Variants in VWA8 observed in about 807,000 individuals in gnomAD.
VWA8 encodes von Willebrand factor A domain containing 8.
A neutral mutation model predicts 241.5 loss-of-function variants in VWA8; 221 were observed. The observed-to-expected ratio is 0.91, with a 90% CI of 0.82 to 1.02. VWA8 has a LOEUF of 1.02. Ranked by LOEUF, VWA8 falls within the 50% of genes least tolerant of loss-of-function variation. VWA8 has a pLI of 0.00. For synonymous variants in VWA8, 852 were observed against 827.1 expected, an observed-to-expected ratio of 1.03 and a Z score of -0.52; for missense variants, 2,322 against 2,328.7, an observed-to-expected ratio of 1.00 and a Z score of 0.06.
At chr13:41,657,906 T>C (rs1288918243) in intron 37 of VWA8, among the ~76,000 whole-genome samples, 1 of 152,258 alleles carries the variant, frequency 6.6e-6, no homozygotes, top group East Asian at 1.9e-4. Context: ...ATAAAGGTCT[T>C]GTCCTAAGAC....
At chr13:41,824,532 A>G (rs1349046197) in intron 14 of VWA8, among the ~76,000 whole-genome samples, 1 of 152,146 alleles carries the variant, frequency 6.6e-6, no homozygotes, top group Non-Finnish European at 1.5e-5. Flanking sequence ...GTTTTAAAGA[A>G]TGCTCAGTAT....
intron 37 of VWA8, among the ~76,000 whole-genome samples, chr13:41,643,430 C>G (rs1250889422): frequency 6.6e-6 from 1 of 152,168 alleles, no homozygotes; most frequent in Non-Finnish European, 1.5e-5. Context: ...AGTACAATGC[C>G]TAGTGCATAG....
chr13:41,596,900 T>C (rs1593639840), intron 40 of VWA8, among the ~76,000 whole-genome samples: 1 of 152,008 alleles, frequency 6.6e-6, no homozygotes, highest in Non-Finnish European at 1.5e-5. Flanking sequence ...TTGTGACACT[T>C]TGTCTTATGA....
chr13:41,954,376 G>A (rs554740491), intron 1 of VWA8, among the ~76,000 whole-genome samples: 1 of 152,148 alleles, frequency 6.6e-6, no homozygotes, highest in East Asian at 1.9e-4. Context: ...CATTGTGTGC[G>A]CCTAACCACC....
At chr13:41,752,009 T>C (rs1020683958) in intron 21 of VWA8, among the ~76,000 whole-genome samples, 6 of 152,136 alleles carry the variant, frequency 3.9e-5, no homozygotes, top group South Asian at 4.1e-4. Context: ...TGCCTCATGA[T>C]TGGTAGATCA....
At chr13:41,872,768 T>C (rs1238764409) in intron 9 of VWA8, among the ~76,000 whole-genome samples, 2 of 152,104 alleles carry the variant, frequency 1.3e-5, no homozygotes, top group Admixed American at 6.5e-5. Flanking sequence ...TCTTTTGGCT[T>C]AGGATTGACT....
intron 3 of VWA8, among the ~76,000 whole-genome samples, chr13:41,909,524 A>G (rs1374882877): frequency 6.6e-6 from 1 of 152,202 alleles, no homozygotes; most frequent in East Asian, 1.9e-4. Context: ...TTGCTTCTGG[A>G]ACACATCACT....
intron 4 of VWA8, among the ~76,000 whole-genome samples, chr13:41,892,072 G>C (rs986102176): frequency 3.9e-5 from 6 of 152,156 alleles, no homozygotes; most frequent in Non-Finnish European, 5.9e-5. Context: ...TTGAGGTTTT[G>C]TGTGATGATG....
intron 2 of VWA8, among the ~76,000 whole-genome samples, chr13:41,919,446 T>C (rs1288893973): frequency 1.3e-5 from 2 of 152,130 alleles, no homozygotes; most frequent in East Asian, 1.9e-4. Flanking sequence ...CCCAGTCCCC[T>C]GCCTGAGCTG....
At chr13:41,722,762 G>A (rs2045402974) in intron 24 of VWA8, among the ~76,000 whole-genome samples, 3 of 152,116 alleles carry the variant, frequency 2.0e-5, no homozygotes, top group Non-Finnish European at 4.4e-5. Context: ...TGGGGGAAGA[G>A]CATTCCAGGC....
At chr13:41,940,537 GA>G (rs1004782279) in intron 2 of VWA8, among the ~76,000 whole-genome samples, 2 of 151,982 alleles carry the variant, frequency 1.3e-5, no homozygotes, top group African/African-American at 4.8e-5. Flanking sequence ...ACTCATTTTG[GA>G]AACAGTCCCT....
At chr13:41,730,263 T>C (rs1210180566) in intron 22 of VWA8, among the ~76,000 whole-genome samples, 1 of 152,062 alleles carries the variant, frequency 6.6e-6, no homozygotes, top group Non-Finnish European at 1.5e-5. Context: ...AAGTTAAATG[T>C]GAGAAAAGTG....
chr13:41,659,301 C>G (rs908541466), intron 37 of VWA8, among the ~76,000 whole-genome samples: 1 of 152,152 alleles, frequency 6.6e-6, no homozygotes, highest in African/African-American at 2.4e-5. Flanking sequence ...ATTTAACCTC[C>G]CTGTGCATTG....
intron 32 of VWA8, among the ~76,000 whole-genome samples, chr13:41,690,544 T>C (rs752214573): frequency 3.9e-5 from 6 of 152,042 alleles, no homozygotes; most frequent in African/African-American, 1.2e-4. Flanking sequence ...GCAACTCTAA[T>C]GGGGTGCACT....
chr13:41,919,826 T>A (rs1593869650), intron 2 of VWA8, among the ~76,000 whole-genome samples: 1 of 152,136 alleles, frequency 6.6e-6, no homozygotes, highest in Non-Finnish European at 1.5e-5. Context: ...GTACCCTGCC[T>A]CTCAGGGACC....
At chr13:41,878,487 C>T (rs1057204974) in intron 9 of VWA8, among the ~76,000 whole-genome samples, 1 of 151,598 alleles carries the variant, frequency 6.6e-6, no homozygotes, top group Non-Finnish European at 1.5e-5. Flanking sequence ...TGGTTGTATA[C>T]ATCATTGTGT....
intron 29 of VWA8, among the ~76,000 whole-genome samples, chr13:41,694,437 T>C (rs2045201732): frequency 6.6e-6 from 1 of 152,026 alleles, no homozygotes; most frequent in Admixed American, 6.6e-5. Context: ...GATATAATTC[T>C]CCATTAAGAA....
chr13:41,863,429 GTGTGTATATA>G (rs1240885900), intron 12 of VWA8, among the ~76,000 whole-genome samples: 17 of 72,658 alleles, frequency 2.3e-4, no homozygotes, highest in Non-Finnish European at 3.1e-4. Flanking sequence ...GTGTGTGTGT[GTGTGTATATA>G]TATATATATA....
intron 18 of VWA8, 97 bp downstream of exon 18, chr13:41,787,340 G>GGAA (rs2137942832): frequency 1.0e-6 from 1 of 996,572 alleles, no homozygotes; most frequent in East Asian, 2.6e-5. Flanking sequence ...ACCAAAAACT[G>GGAA]TTTAACTGTT....
Sources: gnomAD v4.1 joint callset for allele counts (sites outside exome capture counted in the v4.1 genomes callset) on GRCh38, gnomAD v4.1.1 for gene constraint, MANE v1.5 for transcripts, NCBI Gene and HGNC (gene_info 2026-07-23, HGNC 2026-07-21) for gene names.